Variants in MTHFD1L observed in about 807,000 individuals in gnomAD.
The protein encoded by MTHFD1L is monofunctional C1-tetrahydrofolate synthase, mitochondrial.
MTHFD1L carries 81 observed loss-of-function variants against 119.5 expected under a neutral mutation model. The ratio of observed to expected loss-of-function variants is 0.68; its 90% confidence interval spans 0.57 to 0.82. The LOEUF is 0.82. Ranked by LOEUF, MTHFD1L falls within the 40% of genes least tolerant of loss-of-function variation. The pLI is 0.00. For synonymous variants in MTHFD1L, 430 were observed against 475.2 expected, an observed-to-expected ratio of 0.90 and a Z score of 1.24; for missense variants, 1,125 against 1,253.4, an observed-to-expected ratio of 0.90 and a Z score of 1.55.
intron 26 of MTHFD1L, 126 bp from the exon 27 acceptor site, chr6:151,092,341 A>G (rs1414613612): frequency 1.8e-5 from 12 of 665,948 alleles, no homozygotes; most frequent in Non-Finnish European, 2.8e-5. Context: ...ATTTAAAGAG[A>G]TATATCCCAT....
chr6:150,964,303 A>G (rs949123005), intron 18 of MTHFD1L, among the ~76,000 whole-genome samples: 1 of 152,202 alleles, frequency 6.6e-6, no homozygotes, highest in African/African-American at 2.4e-5. Flanking sequence ...TCATCCAGGA[A>G]CAGAGAAAGA....
chr6:150,963,905 C>T (rs922122626), intron 18 of MTHFD1L, among the ~76,000 whole-genome samples: 5 of 152,298 alleles, frequency 3.3e-5, no homozygotes, highest in African/African-American at 4.8e-5. Context: ...CGGTGGCTCA[C>T]GCCTGTAATG....
intron 26 of MTHFD1L, among the ~76,000 whole-genome samples, chr6:151,043,753 A>G (rs1036152680): frequency 1.3e-5 from 2 of 152,126 alleles, no homozygotes; most frequent in Admixed American, 6.5e-5. Flanking sequence ...CTTGACAGCA[A>G]TTTGTGGCAA....
intron 26 of MTHFD1L, among the ~76,000 whole-genome samples, chr6:151,064,770 G>A (rs1264533226): frequency 6.6e-6 from 1 of 150,902 alleles, no homozygotes; most frequent in African/African-American, 2.4e-5. Context: ...ATCTTAAAAT[G>A]TGTTACTATT....
chr6:151,011,512 T>C (rs1172409672), intron 21 of MTHFD1L, among the ~76,000 whole-genome samples: 3 of 152,212 alleles, frequency 2.0e-5, no homozygotes, highest in East Asian at 1.9e-4. Flanking sequence ...ACTGATCAGA[T>C]CTACAGTCCT....
intron 21 of MTHFD1L, among the ~76,000 whole-genome samples, chr6:151,011,226 T>A (rs1562534207): frequency 6.6e-6 from 1 of 152,226 alleles, no homozygotes; most frequent in Non-Finnish European, 1.5e-5. Context: ...TTAAAAGTAG[T>A]AAATCATAAA....
intron 26 of MTHFD1L, among the ~76,000 whole-genome samples, chr6:151,069,006 G>A (rs187892720): frequency 2.4e-4 from 36 of 152,272 alleles, no homozygotes; most frequent in African/African-American, 7.7e-4. Context: ...TTTGGAAAGA[G>A]CTAAAACTAT....
At chr6:150,980,710 TAA>T (rs375964703) in intron 20 of MTHFD1L, among the ~76,000 whole-genome samples, 37 of 120,886 alleles carry the variant, frequency 3.1e-4, no homozygotes, top group Non-Finnish European at 3.4e-4. Context: ...ACCCTGTCTC[TAA>T]AAAAAAAAAA....
intron 20 of MTHFD1L, among the ~76,000 whole-genome samples, chr6:150,991,072 C>G (rs570609): frequency 0.53 from 80,791 of 151,096 alleles, 22,717 homozygotes; most frequent in African/African-American, 0.7. Flanking sequence ...GTCCAGGCTG[C>G]TCTTGAACTC....
Position 151,085,529 on chromosome 6 carries a change from G to A in MTHFD1L, c.2848-6938G>A, listed in dbSNP as rs1462170725. On this transcript the variant is annotated intron_variant, in intron 26 of 27. Coordinates refer to ENST00000367321, the MANE Select transcript of MTHFD1L (RefSeq NM_015440.5). ...CTCACGCCTGTAATCCCAGCACTTT[G>A]GGAAGCCGAGGCGGGTGGATCACCT... Among the ~76,000 whole-genome samples the A allele has an allele frequency of 3.3e-5, 5 of 152,310 alleles. No individual in the cohort carries two copies. The East Asian group carries it at 9.6e-4, about 29-fold the overall frequency.
At chr6:151,015,206 CTTTTT>C (rs58646889) in intron 23 of MTHFD1L, among the ~76,000 whole-genome samples, 1 of 76,934 alleles carries the variant, frequency 1.3e-5, no homozygotes, top group African/African-American at 5.8e-5. Context: ...ATCTCCTTGG[CTTTTT>C]TTTTTTTTTT....
chr6:150,979,099 C>T (rs34514241), intron 20 of MTHFD1L, among the ~76,000 whole-genome samples: 67,719 of 151,386 alleles, frequency 0.45, 17,323 homozygotes, highest in African/African-American at 0.67. Flanking sequence ...ATTAGCCGAG[C>T]GTGGTTGTGG....
intron 26 of MTHFD1L, among the ~76,000 whole-genome samples, chr6:151,081,082 G>T (rs1793107554): frequency 6.6e-6 from 1 of 152,180 alleles, no homozygotes; most frequent in Admixed American, 6.5e-5. Context: ...TATACAGTAA[G>T]CCACTTCTAG....
At chr6:151,016,709 ATATAT>A (rs1427532839) in intron 24 of MTHFD1L, 6 of 309,036 alleles carry the variant, frequency 1.9e-5, no homozygotes, top group African/African-American at 1.4e-4. Flanking sequence ...TACATACATA[ATATAT>A]TTATTTATTT....
chr6:151,065,713 G>C (rs1237507619), intron 26 of MTHFD1L, among the ~76,000 whole-genome samples: 2 of 152,252 alleles, frequency 1.3e-5, no homozygotes, highest in Non-Finnish European at 2.9e-5. Context: ...CATGTGCCCT[G>C]TCCTAATCCA....
At chr6:150,999,674 A>G (rs1780330243) in intron 20 of MTHFD1L, among the ~76,000 whole-genome samples, 2 of 152,246 alleles carry the variant, frequency 1.3e-5, no homozygotes, top group African/African-American at 4.8e-5. Flanking sequence ...ATTCATCGAA[A>G]CATTTCTTTT....
chr6:151,075,419 A>G (rs561438394), intron 26 of MTHFD1L, among the ~76,000 whole-genome samples: 1 of 152,288 alleles, frequency 6.6e-6, no homozygotes, highest in East Asian at 1.9e-4. Context: ...CATTATGACA[A>G]AGGGGCCGTT....
chr6:151,082,842 G>A (rs1793338213), intron 26 of MTHFD1L, among the ~76,000 whole-genome samples: 1 of 152,162 alleles, frequency 6.6e-6, no homozygotes, highest in Non-Finnish European at 1.5e-5. Flanking sequence ...AAGAAGTGAA[G>A]GCTGAGCGAA....
Position 150,960,302 on chromosome 6 carries a change from G to A in MTHFD1L, c.1831G>A (p.Glu611Lys), listed in dbSNP as rs1296657274. 3.7e-6 allele frequency: 6 copies of A among 1,613,778 alleles called. No homozygotes were observed. Among genetic ancestry groups the A allele is most frequent in the Non-Finnish European group, 4.2e-6 (5 of 1,179,856 alleles). ...QAQFDIAVASEIMAVLALTDS... is the reference protein window; with the variant it reads ...QAQFDIAVASKIMAVLALTDS... Reference sequence around the variant, plus strand: ...GCAGTTTGACATCGCAGTGGCCAGCGAGATCATGGCGGTGCTGGCCCTGAC... The same window carrying A: ...GCAGTTTGACATCGCAGTGGCCAGCAAGATCATGGCGGTGCTGGCCCTGAC... Residue 611 changes from glutamate to lysine, a missense_variant, in exon 18 of 28, where the codon GAG (glutamate) becomes AAG (lysine). By Grantham distance (56) the Glu-to-Lys change is moderately conservative. This residue lies in a region of MTHFD1L where 1,058 missense variants were observed against 1,151.2 expected (regional missense o/e 0.92). Coordinates refer to ENST00000367321, the MANE Select transcript of MTHFD1L (RefSeq NM_015440.5).
Sources: gnomAD v4.1 joint callset for allele counts (sites outside exome capture counted in the v4.1 genomes callset) on GRCh38, gnomAD v4.1.1 for gene constraint, gnomAD v4.1.1 regional missense constraint, MANE v1.5 for transcripts, NCBI Gene and HGNC (gene_info 2026-07-23, HGNC 2026-07-21) for gene names.